The following SPRYD7 variants were observed in gnomAD, a reference collection of about 807,000 sequenced individuals.
SPRYD7 encodes SPRY domain-containing protein 7.
A neutral mutation model predicts 23.8 loss-of-function variants in SPRYD7; 14 were observed. The observed-to-expected ratio is 0.59, with a 90% CI of 0.39 to 0.92. The LOEUF is 0.92. Among genes scored for constraint, SPRYD7 ranks in the 40% least tolerant of loss-of-function variants. The pLI, the probability that SPRYD7 is intolerant of heterozygous loss-of-function variation, is 0.00. For missense variants in SPRYD7, 194 were observed against 241.7 expected (o/e 0.80, Z 1.31); for synonymous variants, 75 against 84.9 (o/e 0.88, Z 0.64).
intron 4 of SPRYD7, among the ~76,000 whole-genome samples, chr13:49,919,726 CA>C (rs1303310878): frequency 0.2 from 14,333 of 73,374 alleles, 319 homozygotes; most frequent in African/African-American, 0.26. Context: ...GACTCTGTCT[CA>C]AAAAAAAAAA....
chr13:49,934,574 A>AG (rs1871530557), intron 1 of SPRYD7, among the ~76,000 whole-genome samples: 1 of 151,306 alleles, frequency 6.6e-6, no homozygotes, highest in Non-Finnish European at 1.5e-5. Context: ...AAAAAAAAAA[A>AG]AAAGAAAAGA....
chr13:49,927,980 T>C lies in SPRYD7; in HGVS notation c.329A>G (p.His110Arg). 10 of 1,614,214 alleles carry C rather than the reference T, an allele frequency of 6.2e-6. No individual in the cohort carries two copies. The highest frequency in any genetic ancestry group is 1.7e-5 in the Admixed American group (1 of 60,032). Residue 110 changes from histidine to arginine, a missense_variant, in exon 3 of 5, where the codon CAC (histidine) becomes CGC (arginine). Coordinates refer to ENST00000361840, the MANE Select transcript of SPRYD7 (RefSeq NM_020456.4). ...CAGCCTATTTTTCTCTTCATTGTTG[T>C]GGTAAAGGGCTCCATCATTTCTCAT... ...LVMRNDGALY[H>R]NNEEKNRLPA...
chr13:49,921,434 A>G, intron 4 of SPRYD7, 44 bp downstream of exon 4: 1 of 1,215,386 alleles, frequency 8.2e-7, no homozygotes, highest in East Asian at 2.3e-5. Context: ...ACACCAAACA[A>G]GTTAATATGT....
chr13:49,920,411 A>G (rs1955805114), intron 4 of SPRYD7, among the ~76,000 whole-genome samples: 1 of 152,232 alleles, frequency 6.6e-6, no homozygotes, highest in Non-Finnish European at 1.5e-5. Context: ...CTCTAATTCC[A>G]AAATATTATT....
chr13:49,922,994 G>A (rs1400180073), intron 3 of SPRYD7, among the ~76,000 whole-genome samples: 1 of 152,146 alleles, frequency 6.6e-6, no homozygotes, highest in Non-Finnish European at 1.5e-5. Flanking sequence ...AAGATAAATA[G>A]TACATAGATT....
rs1355022096 is a variant in SPRYD7, at chr13:49,913,293, A to T, written c.*1770T>A. On this transcript the variant is annotated 3_prime_UTR_variant, in exon 5 of 5. Transcript: ENST00000361840. The stretch of plus-strand genomic sequence containing the variant: ...AAATTACACGGGCGTGGTGGCGGGC[A>T]CCTGTAGTCCCACCTACTCGGGAGG... 6.6e-6 allele frequency: 1 copy of T among 150,728 alleles called. No homozygotes were observed. Among genetic ancestry groups the T allele is most frequent in the Non-Finnish European group, 1.5e-5 (1 of 67,872 alleles). 9.3% of individuals were successfully genotyped at this position (150,728 alleles called of 1,614,324 possible).
At chr13:49,916,771 C>G (rs923167420) in intron 4 of SPRYD7, among the ~76,000 whole-genome samples, 1 of 152,068 alleles carries the variant, frequency 6.6e-6, no homozygotes, top group Non-Finnish European at 1.5e-5. Flanking sequence ...AAGAGGGAGG[C>G]CCATGACATG....
intron 2 of SPRYD7, among the ~76,000 whole-genome samples, chr13:49,930,358 G>A (rs1310985169): frequency 6.6e-6 from 1 of 152,072 alleles, no homozygotes; most frequent in Non-Finnish European, 1.5e-5. Context: ...GACGAGGGCA[G>A]ATCACAAGAT....
At chr13:49,927,148 C>T (rs981626001) in intron 3 of SPRYD7, among the ~76,000 whole-genome samples, 3 of 152,040 alleles carry the variant, frequency 2.0e-5, no homozygotes, top group African/African-American at 7.2e-5. Flanking sequence ...TGAAGATGAA[C>T]ATTTCTGATA....
rs1215196139 is a variant in SPRYD7 at position 49,914,619 on chromosome 13, T to C, written c.*444A>G. 3 of 152,612 alleles carry C rather than the reference T, an allele frequency of 2.0e-5. No homozygotes were observed. The highest frequency in any genetic ancestry group is 4.4e-5 in the Non-Finnish European group (3 of 68,028). 9.5% of individuals were successfully genotyped at this position (152,612 alleles called of 1,614,324 possible). ...GCCAGTAATATAAATTTCTCTCACT[T>C]TGTTATATTGTATATAAAAAAGGAC... On this transcript the variant is annotated 3_prime_UTR_variant, in exon 5 of 5. Transcript: ENST00000361840.
At chr13:49,934,555 CAAAAAAAA>C (rs889803067) in intron 1 of SPRYD7, among the ~76,000 whole-genome samples, 1 of 54,408 alleles carries the variant, frequency 1.8e-5, no homozygotes, top group Non-Finnish European at 3.8e-5. Flanking sequence ...AACTCCGTCT[CAAAAAAAA>C]AAAAAAAAAA....
rs1955735447 is a variant in SPRYD7, at chr13:49,914,891, A to T, written c.*172T>A. 3 of 359,918 alleles carry T rather than the reference A, an allele frequency of 8.3e-6. No individual in the cohort carries two copies. Among genetic ancestry groups the T allele is most frequent in the Non-Finnish European group, 1.6e-5 (3 of 192,934 alleles). 22.3% of individuals were successfully genotyped at this position (359,918 alleles called of 1,614,324 possible). A position where few individuals can be genotyped will look rare whatever the true frequency, so the allele number is the denominator to read the frequency against. On this transcript the variant is annotated 3_prime_UTR_variant, in exon 5 of 5. Transcript: ENST00000361840. The stretch of plus-strand genomic sequence containing the variant: ...GCTTATTTTCATTTCACAAAACATA[A>T]AGTATTTTAAATCACAACTTCAGGG...
intron 4 of SPRYD7, among the ~76,000 whole-genome samples, chr13:49,916,726 G>A (rs1017427924): frequency 3.3e-5 from 5 of 152,212 alleles, no homozygotes; most frequent in Non-Finnish European, 5.9e-5. Context: ...AAAGAAGGGC[G>A]TTTGGGATGG....
intron 3 of SPRYD7, among the ~76,000 whole-genome samples, chr13:49,925,003 TAATAATA>T: frequency 6.8e-6 from 1 of 146,362 alleles, no homozygotes; most frequent in East Asian, 2.0e-4. Context: ...TAAATAATAA[TAATAATA>T]ATAATAATAA....
chr13:49,913,134 C>T lies in SPRYD7; in HGVS notation c.*1929G>A. The T allele has an allele frequency of 6.6e-6, 1 of 152,144 alleles. No homozygotes were observed. Among genetic ancestry groups the T allele is most frequent in the Non-Finnish European group, 1.5e-5 (1 of 68,074 alleles). The allele number at this position is 152,144 out of a possible 1,614,324, so 9.4% of individuals were successfully genotyped here. On this transcript the variant is annotated 3_prime_UTR_variant, in exon 5 of 5. Coordinates refer to ENST00000361840, the MANE Select transcript of SPRYD7 (RefSeq NM_020456.4). ...GGTCTGAGAAGCATCATGAGAACCA[C>T]TTTCTGGCTGGGTGTGGTGGCTTAC...
chr13:49,921,417 GATAC>G, intron 4 of SPRYD7, 57 bp downstream of exon 4: 1 of 1,064,208 alleles, frequency 9.4e-7, no homozygotes, highest in East Asian at 2.4e-5. Flanking sequence ...AAAACAGACT[GATAC>G]ACACACCAAA....
At chr13:49,919,726 C>CAAAAA (rs1303310878) in intron 4 of SPRYD7, among the ~76,000 whole-genome samples, 1 of 73,126 alleles carries the variant, frequency 1.4e-5, no homozygotes, top group Non-Finnish European at 2.8e-5. Context: ...GACTCTGTCT[C>CAAAAA]AAAAAAAAAA....
intron 1 of SPRYD7, among the ~76,000 whole-genome samples, chr13:49,931,750 A>G (rs578201626): frequency 6.6e-6 from 1 of 151,884 alleles, no homozygotes; most frequent in South Asian, 2.1e-4. Flanking sequence ...GGAAGTCGAG[A>G]CCAGCCTGGG....
At chr13:49,935,707 T>G (rs1382718969) in intron 1 of SPRYD7, 2 of 153,584 alleles carry the variant, frequency 1.3e-5, no homozygotes, top group African/African-American at 2.4e-5. Flanking sequence ...GGATTCAACC[T>G]ATAAATGATG....
Sources: gnomAD v4.1 joint callset for allele counts (sites outside exome capture counted in the v4.1 genomes callset) on GRCh38, gnomAD v4.1.1 for gene constraint, MANE v1.5 for transcripts, NCBI Gene and HGNC (gene_info 2026-07-23, HGNC 2026-07-21) for gene names.